Variants in BAG3 observed in about 807,000 individuals in gnomAD.
BAG3 encodes the protein BAG cochaperone 3, also known as BAG family molecular chaperone regulator 3.
In BAG3, 14 loss-of-function variants were observed where a neutral mutation model predicts 40.5. The observed-to-expected ratio is 0.35, with a 90% CI of 0.23 to 0.54. BAG3 has a LOEUF of 0.54. Among genes scored for constraint, BAG3 ranks in the 20% least tolerant of loss-of-function variants. The probability of loss-of-function intolerance (pLI) is 0.91; values close to 1 mark genes in which losing one functional copy is unlikely to be tolerated. For synonymous variants in BAG3, 302 were observed against 307.8 expected, an observed-to-expected ratio of 0.98 and a Z score of 0.20; for missense variants, 788 against 758.6, an observed-to-expected ratio of 1.04 and a Z score of -0.46.
intron 1 of BAG3, among the ~76,000 whole-genome samples, chr10:119,659,171 G>C (rs565957036): frequency 1.3e-5 from 2 of 152,316 alleles, no homozygotes; most frequent in African/African-American, 4.8e-5. Flanking sequence ...CGGGGCCTTC[G>C]GGAGCCTTGA....
At chr10:119,673,200 C>T (rs1047789824) in intron 3 of BAG3, among the ~76,000 whole-genome samples, 9 of 152,232 alleles carry the variant, frequency 5.9e-5, no homozygotes, top group African/African-American at 1.9e-4. Context: ...GCCTACTCAT[C>T]CTTCTCATCT....
chr10:119,676,598 T>C lies in BAG3; in HGVS notation c.1044T>C (p.Ser348=). The part of the protein sequence containing the change: ...PIQVIRKEVD[S]KPVSQKPPPP... The stretch of plus-strand genomic sequence containing the variant: ...AAGTGATCCGCAAAGAGGTGGATTC[T>C]AAACCTGTTTCCCAGAAGCCCCCAC... The change falls in exon 4 of 4, where the codon TCT becomes TCC. Residue 348 remains serine (S), a synonymous_variant. Transcript: ENST00000369085. 6.2e-7 allele frequency: 1 copy of C among 1,614,176 alleles called. No homozygotes were observed. The highest frequency in any genetic ancestry group is 8.5e-7 in the Non-Finnish European group (1 of 1,180,032).
At chr10:119,664,248 A>C (rs565000262) in intron 1 of BAG3, among the ~76,000 whole-genome samples, 2 of 152,262 alleles carry the variant, frequency 1.3e-5, no homozygotes, top group African/African-American at 4.8e-5. Context: ...AATAGGGCAA[A>C]TTTTGACTCA....
intron 1 of BAG3, among the ~76,000 whole-genome samples, chr10:119,664,012 A>G (rs1204237401): frequency 1.3e-5 from 2 of 152,170 alleles, no homozygotes; most frequent in Non-Finnish European, 2.9e-5. Context: ...ACGAAAGTTC[A>G]CAGAGGGCAT....
intron 1 of BAG3, among the ~76,000 whole-genome samples, chr10:119,663,418 T>C (rs1847019164): frequency 6.6e-6 from 1 of 152,058 alleles, no homozygotes; most frequent in Non-Finnish European, 1.5e-5. Context: ...TCGTGCATCA[T>C]CAACTTCCTA....
In BAG3 at chr10:119,669,999, C is replaced by T. The variant is rs749587347; in HGVS notation, c.329C>T (p.Pro110Leu). 1 of 1,614,246 alleles carries T rather than the reference C, an allele frequency of 6.2e-7. No homozygotes were observed. The highest frequency in any genetic ancestry group is 8.5e-7 in the Non-Finnish European group (1 of 1,180,044). ...GGCGCTGAGAACCGGCAGGTGCACC[C>T]TTTCCATGTCTATCCCCAGCCTGGG... ...HEGAENRQVH[P>L]FHVYPQPGMQ... The change falls in exon 2 of 4, where the codon CCT becomes CTT. Residue 110 changes from proline to leucine, a missense_variant. Pro to Leu is a moderately conservative substitution (Grantham distance 98). Transcript: ENST00000369085.
At chr10:119,673,649 A>G (rs1589630861) in intron 3 of BAG3, among the ~76,000 whole-genome samples, 1 of 152,254 alleles carries the variant, frequency 6.6e-6, no homozygotes, top group African/African-American at 2.4e-5. Flanking sequence ...TTCTTTCATT[A>G]CAAATGGTCA....
rs576506118 is a variant in BAG3 at position 119,660,556 on chromosome 10, C to T, written c.180+8701C>T. Reference sequence around the variant, plus strand: ...TGGTGAGACAGACTAAAGAATTAGGCTTTGTTGAACAGGGCGCGGTGGCTC... The same window carrying T: ...TGGTGAGACAGACTAAAGAATTAGGTTTTGTTGAACAGGGCGCGGTGGCTC... On this transcript the variant is annotated intron_variant, in intron 1 of 3. Coordinates refer to ENST00000369085, the MANE Select transcript of BAG3 (RefSeq NM_004281.4). Among the ~76,000 whole-genome samples, 3 of 152,282 alleles carry T rather than the reference C, an allele frequency of 2.0e-5. No individual in the cohort carries two copies. In the East Asian group the frequency reaches 5.8e-4, roughly 29 times the overall value.
chr10:119,676,441 ATAT>A lies in BAG3; in HGVS notation c.910-21_910-19del. On this transcript the variant is annotated intron_variant, in intron 3 of 3. Transcript: ENST00000369085. Reference sequence around the variant, plus strand: ...TGACTTTCAGTCAGTTATTAAAAATATATTTTTGTGTCCTTTTTTCAGCAGCCC... The same window carrying A: ...TGACTTTCAGTCAGTTATTAAAAATATTTTGTGTCCTTTTTTCAGCAGCCC... The A allele has an allele frequency of 6.2e-7, 1 of 1,611,050 alleles. No individual in the cohort carries two copies. Among genetic ancestry groups the A allele is most frequent in the Non-Finnish European group, 8.5e-7 (1 of 1,177,336 alleles).
intron 3 of BAG3, among the ~76,000 whole-genome samples, chr10:119,674,461 C>T (rs930631923): frequency 7.2e-5 from 11 of 152,288 alleles, no homozygotes; most frequent in Admixed American, 2.0e-4. Context: ...TACCATTAAC[C>T]GTGTTTGTGG....
chr10:119,658,085 CA>C (rs1466728225), intron 1 of BAG3, among the ~76,000 whole-genome samples: 1 of 152,242 alleles, frequency 6.6e-6, no homozygotes, highest in African/African-American at 2.4e-5. Flanking sequence ...AATTGGAGAA[CA>C]AACGTTTGCT....
At position 119,665,134 on chromosome 10, in the gene BAG3, A is replaced by AT. The variant is rs1229679118; in HGVS notation, c.181-4716dup. On this transcript the variant is annotated intron_variant, in intron 1 of 3. Coordinates refer to ENST00000369085, the MANE Select transcript of BAG3 (RefSeq NM_004281.4). ...TGTGTGTGTGTGTGTGTGTATATATATATATATATATTTTTTTTTTTAGTT... is the reference window on the plus strand; with the variant it reads ...TGTGTGTGTGTGTGTGTGTATATATATTATATATATATTTTTTTTTTTAGTT... Among the ~76,000 whole-genome samples, 356 of 59,626 alleles carry AT rather than the reference A, an allele frequency of 6.0e-3. 6 individuals carry two copies. The highest frequency in any genetic ancestry group is 0.018 in the African/African-American group (297 of 16,890). 39.1% of individuals were successfully genotyped at this position (59,626 alleles called of 152,430 possible).
At position 119,677,437 on chromosome 10, in the gene BAG3, A is replaced by T; in HGVS notation, c.*155A>T. 1 of 876,128 alleles carries T rather than the reference A, an allele frequency of 1.1e-6. No homozygotes were observed. The highest frequency in any genetic ancestry group is 1.8e-6 in the Non-Finnish European group (1 of 542,992). The allele number at this position is 876,128 out of a possible 1,614,324, so 54.3% of individuals were successfully genotyped here. A position where few individuals can be genotyped will look rare whatever the true frequency, so the allele number is the denominator to read the frequency against. ...CAAAACACTAATAAAAGGGCTAAAA[A>T]GGAAAATGATGCTTTTCTTCTATAT... On this transcript the variant is annotated 3_prime_UTR_variant, in exon 4 of 4. Coordinates refer to ENST00000369085, the MANE Select transcript of BAG3 (RefSeq NM_004281.4).
chr10:119,655,731 T>A (rs1296437947), intron 1 of BAG3, among the ~76,000 whole-genome samples: 1 of 152,182 alleles, frequency 6.6e-6, no homozygotes, highest in Admixed American at 6.5e-5. Context: ...GCCAGATGCC[T>A]TGGAGCCCAG....
Position 119,651,628 on chromosome 10 carries a change from GAGCCAGCGCCCCGC to G in BAG3, c.-46_-33del, listed in dbSNP as rs1044507337. On this transcript the variant is annotated 5_prime_UTR_variant, in exon 1 of 4. Coordinates refer to ENST00000369085, the MANE Select transcript of BAG3 (RefSeq NM_004281.4). ...GGCCCGGCCAGAGACTCGGCGCCCGGAGCCAGCGCCCCGCACCCGCGCCCCAGCGGGCAGACCCC... is the reference window on the plus strand; with the variant it reads ...GGCCCGGCCAGAGACTCGGCGCCCGGACCCGCGCCCCAGCGGGCAGACCCC... 2.0e-5 allele frequency: 29 copies of G among 1,469,660 alleles called. No homozygotes were observed. Among genetic ancestry groups the G allele is most frequent in the African/African-American group, 2.9e-5 (2 of 68,272 alleles). The allele number at this position is 1,469,660 out of a possible 1,614,324, so 91.0% of individuals were successfully genotyped here.
chr10:119,656,209 G>A (rs1046441034), intron 1 of BAG3, among the ~76,000 whole-genome samples: 6 of 152,024 alleles, frequency 3.9e-5, no homozygotes, highest in South Asian at 4.2e-4. Context: ...GAAGACAAAG[G>A]CCTTGCTTAT....
chr10:119,653,794 A>G (rs1275050698), intron 1 of BAG3, among the ~76,000 whole-genome samples: 1 of 152,192 alleles, frequency 6.6e-6, no homozygotes, highest in Non-Finnish European at 1.5e-5. Flanking sequence ...CAACAGGGAG[A>G]GAACTAGTGT....
intron 1 of BAG3, among the ~76,000 whole-genome samples, chr10:119,663,667 C>G (rs562691462): frequency 2.6e-5 from 4 of 152,166 alleles, no homozygotes; most frequent in South Asian, 2.1e-4. Flanking sequence ...TCTGGCAGTT[C>G]TGATATGATT....
At chr10:119,655,697 G>T (rs1470548502) in intron 1 of BAG3, among the ~76,000 whole-genome samples, 1 of 152,164 alleles carries the variant, frequency 6.6e-6, no homozygotes, top group African/African-American at 2.4e-5. Context: ...AAAGTGATTT[G>T]TTGGGGGGCA....
Sources: gnomAD v4.1 joint callset for allele counts (sites outside exome capture counted in the v4.1 genomes callset) on GRCh38, gnomAD v4.1.1 for gene constraint, MANE v1.5 for transcripts, NCBI Gene and HGNC (gene_info 2026-07-23, HGNC 2026-07-21) for gene names.